The following NSUN4 variants were observed in gnomAD, a reference collection of about 807,000 sequenced individuals.
The protein encoded by NSUN4 is NOP2/Sun RNA methyltransferase 4.
Under a neutral mutation model 43.8 loss-of-function variants are expected in NSUN4, and 31 were observed. That is an observed-to-expected ratio of 0.71 (90% CI 0.53 to 0.96). The LOEUF is 0.96. Among genes scored for constraint, NSUN4 ranks in the 40% least tolerant of loss-of-function variants. The pLI is 0.00. For synonymous variants in NSUN4, 167 were observed against 184.1 expected (o/e 0.91, Z 0.75); for missense variants, 439 against 475.6 (o/e 0.92, Z 0.72).
In NSUN4 at chr1:46,346,932, T is replaced by A; in HGVS notation, c.449T>A (p.Leu150Gln). The A allele has an allele frequency of 6.2e-7, 1 of 1,613,482 alleles. No individual in the cohort carries two copies. The highest frequency in any genetic ancestry group is 1.1e-5 in the South Asian group (1 of 90,990). Residue 150 changes from leucine (L) to glutamine (Q), a missense_variant, in exon 3 of 6, where the codon CTG becomes CAG. Physicochemically the swap from Leu to Gln is moderately radical, Grantham distance 113. Transcript: ENST00000474844. ...CTCCTCTTTTCCAGACCTGGCAGCCTGGGTGTCATGGAGTACTACCTGATG... is the reference window on the plus strand; with the variant it reads ...CTCCTCTTTTCCAGACCTGGCAGCCAGGGTGTCATGGAGTACTACCTGATG... ...SRFPPARPGS[L>Q]GVMEYYLMDA...
At chr1:46,381,762 G>A in the NSUN4 span, among the ~76,000 whole-genome samples, 4 of 152,182 alleles carry the variant, frequency 2.6e-5, no homozygotes, top group African/African-American at 7.2e-5. Context: ...GGTGAGTTGA[G>A]GGCTAGAATC....
the NSUN4 span, among the ~76,000 whole-genome samples, chr1:46,379,616 AAACC>A: frequency 6.6e-6 from 1 of 152,174 alleles, no homozygotes. Context: ...CTCTGTCTCA[AAACC>A]AACCAACCAA....
chr1:46,348,326 C>CT (rs1481132194), intron 3 of NSUN4, among the ~76,000 whole-genome samples: 1 of 152,234 alleles, frequency 6.6e-6, no homozygotes, highest in Non-Finnish European at 1.5e-5. Context: ...GAAATGATGC[C>CT]TGTCTCCTAC....
At chr1:46,382,973 C>G in the NSUN4 span, among the ~76,000 whole-genome samples, 1 of 152,144 alleles carries the variant, frequency 6.6e-6, no homozygotes, top group East Asian at 1.9e-4. Context: ...TGAGAGAGGC[C>G]AGGACAGCAG....
chr1:46,361,442 T>C, intron 5 of NSUN4, 128 bp from the exon 6 acceptor site: 1 of 797,108 alleles, frequency 1.3e-6, no homozygotes, highest in East Asian at 2.5e-5. Context: ...GGAAGGGACT[T>C]GAGAGGCAGT....
At position 46,361,903 on chromosome 1, in the gene NSUN4, A is replaced by G; in HGVS notation, c.*57A>G. On this transcript the variant is annotated 3_prime_UTR_variant, in exon 6 of 6. Coordinates refer to ENST00000474844, the MANE Select transcript of NSUN4 (RefSeq NM_199044.4). Reference sequence around the variant, plus strand: ...GGGTATACTCTGTTGGATGCACCAGAAACTGGAAACTGGGACCAGTGGCAG... The same window carrying G: ...GGGTATACTCTGTTGGATGCACCAGGAACTGGAAACTGGGACCAGTGGCAG... 6.8e-7 allele frequency: 1 copy of G among 1,471,682 alleles called. No individual in the cohort carries two copies. The highest frequency in any genetic ancestry group is 1.4e-5 in the African/African-American group (1 of 71,936). The allele number at this position is 1,471,682 out of a possible 1,614,324, so 91.2% of individuals were successfully genotyped here.
chr1:46,350,257 G>A (rs1662881810), intron 3 of NSUN4, among the ~76,000 whole-genome samples: 1 of 152,156 alleles, frequency 6.6e-6, no homozygotes, highest in Non-Finnish European at 1.5e-5. Context: ...TGGCCGGGGG[G>A]CGGTGACTCA....
intron 1 of NSUN4, 74 bp from the exon 2 acceptor site, chr1:46,344,727 C>T (rs1367519574): frequency 1.5e-6 from 2 of 1,349,462 alleles, no homozygotes; most frequent in African/African-American, 1.5e-5. Flanking sequence ...CCCCTAGGCT[C>T]TGAGGTGGGG....
intron 4 of NSUN4, among the ~76,000 whole-genome samples, chr1:46,356,098 G>T (rs1663348992): frequency 6.6e-6 from 1 of 151,990 alleles, no homozygotes; most frequent in African/African-American, 2.4e-5. Flanking sequence ...TTGAGACAAG[G>T]TCTTGCTCTG....
At position 46,340,932 on chromosome 1, in the gene NSUN4, T is replaced by TG. The variant is rs1219069323; in HGVS notation, c.93+18dup. ...TAAGAAGAAATGGGTAAGGTCCGGC[T>TG]GGGGGCGCAGGAGGGAAAAGTGAGG... On this transcript the variant is annotated intron_variant, in intron 1 of 5. Transcript: ENST00000474844. The TG allele has an allele frequency of 2.5e-6, 4 of 1,607,008 alleles. No homozygotes were observed. Among genetic ancestry groups the TG allele is most frequent in the Non-Finnish European group, 3.4e-6 (4 of 1,175,844 alleles).
chr1:46,356,865 T>A (rs1304807365), intron 4 of NSUN4, among the ~76,000 whole-genome samples: 1 of 152,190 alleles, frequency 6.6e-6, no homozygotes, highest in Non-Finnish European at 1.5e-5. Context: ...TTCTTTTTTA[T>A]GTGAGCTCAA....
At chr1:46,361,101 C>A (rs184684118) in intron 5 of NSUN4, among the ~76,000 whole-genome samples, 1 of 151,950 alleles carries the variant, frequency 6.6e-6, no homozygotes, top group Non-Finnish European at 1.5e-5. Flanking sequence ...GAGCTGAGAT[C>A]GTGCCACTGC....
the NSUN4 span, among the ~76,000 whole-genome samples, chr1:46,374,354 A>C: frequency 2.6e-5 from 4 of 151,112 alleles, no homozygotes; most frequent in African/African-American, 9.7e-5. Flanking sequence ...TCATGCCTGT[A>C]ATCCCAGCAT....
At chr1:46,372,379 G>A in the NSUN4 span, among the ~76,000 whole-genome samples, 1 of 151,870 alleles carries the variant, frequency 6.6e-6, no homozygotes, top group Non-Finnish European at 1.5e-5. Context: ...TCCTGACCTC[G>A]TGATCCACAC....
chr1:46,383,751 G>T, the NSUN4 span, among the ~76,000 whole-genome samples: 1 of 152,144 alleles, frequency 6.6e-6, no homozygotes, highest in Admixed American at 6.6e-5. Context: ...CACCGTGCCC[G>T]GCCAGGCTGG....
chr1:46,341,333 C>G, intron 1 of NSUN4: 1 of 1,006,074 alleles, frequency 9.9e-7, no homozygotes, highest in Non-Finnish European at 1.2e-6. Flanking sequence ...CCCGGTCGCC[C>G]TCACCCCTCG....
downstream of NSUN4, among the ~76,000 whole-genome samples, chr1:46,368,209 C>A (rs1168777199): frequency 1.3e-5 from 2 of 152,090 alleles, no homozygotes; most frequent in Admixed American, 1.3e-4. Flanking sequence ...GCCCTAAATT[C>A]TTCCATTCTC....
At chr1:46,353,823 T>A (rs929984253) in intron 4 of NSUN4, among the ~76,000 whole-genome samples, 1 of 152,160 alleles carries the variant, frequency 6.6e-6, no homozygotes, top group East Asian at 1.9e-4. Flanking sequence ...TGTATTTTTT[T>A]ATTTAATAAT....
At chr1:46,360,249 A>AAAAAAAAAAAAATATATATAT (rs1553177947) in intron 4 of NSUN4, among the ~76,000 whole-genome samples, 10 of 25,764 alleles carry the variant, frequency 3.9e-4, no homozygotes, top group Non-Finnish European at 5.7e-4. Context: ...AAAAAAAAAA[A>AAAAAAAAAAAAATATATATAT]ATATATATAT....
Sources: gnomAD v4.1 joint callset for allele counts (sites outside exome capture counted in the v4.1 genomes callset) on GRCh38, gnomAD v4.1.1 for gene constraint, MANE v1.5 for transcripts, NCBI Gene and HGNC (gene_info 2026-07-23, HGNC 2026-07-21) for gene names.